The following CNTNAP2 variants were observed in gnomAD, a reference collection of about 807,000 sequenced individuals.
The protein encoded by CNTNAP2 is contactin associated protein 2, also known as contactin-associated protein-like 2.
CNTNAP2 carries 98 observed loss-of-function variants against 155.2 expected under a neutral mutation model. The ratio of observed to expected loss-of-function variants is 0.63; its 90% CI spans 0.54 to 0.75. The LOEUF (loss-of-function observed/expected upper bound fraction) is 0.75. Ranked by LOEUF, CNTNAP2 falls within the 30% of genes least tolerant of loss-of-function variation. The probability of loss-of-function intolerance (pLI) is 0.00; values close to 1 mark genes in which losing one functional copy is unlikely to be tolerated. For synonymous variants in CNTNAP2, 651 were observed against 631.2 expected (o/e 1.03, Z -0.47); for missense variants, 1,727 against 1,688.1 (o/e 1.02, Z -0.40).
Position 148,228,827 on chromosome 7 carries a change from C to CAAAAAAA in CNTNAP2, c.3248-809_3248-803dup, listed in dbSNP as rs10657103. The stretch of plus-strand genomic sequence containing the variant: ...TGGGCGACAGAGCGAGACTCTGTTT[C>CAAAAAAA]AAAAAAAAAAAAAAAACTATGTTTA... On this transcript the variant is annotated intron_variant, in intron 19 of 23. Transcript: ENST00000361727. Among the ~76,000 whole-genome samples, 832 of 118,574 alleles carry CAAAAAAA rather than the reference C, an allele frequency of 7.0e-3. 17 individuals carry two copies. The highest frequency in any genetic ancestry group is 0.014 in the Middle Eastern group (3 of 212). 77.8% of individuals were successfully genotyped at this position (118,574 alleles called of 152,430 possible).
At chr7:146,277,666 A>G (rs1800185191) in intron 1 of CNTNAP2, among the ~76,000 whole-genome samples, 1 of 152,186 alleles carries the variant, frequency 6.6e-6, no homozygotes, top group Non-Finnish European at 1.5e-5. Flanking sequence ...CTTACAGGAA[A>G]CTTCCCATCA....
chr7:147,069,669 T>C (rs1332949490), intron 4 of CNTNAP2, among the ~76,000 whole-genome samples: 1 of 152,186 alleles, frequency 6.6e-6, no homozygotes, highest in African/African-American at 2.4e-5. Flanking sequence ...TGGCCCTTTC[T>C]GACAATCGGA....
chr7:148,285,792 T>C (rs187324769), intron 21 of CNTNAP2, among the ~76,000 whole-genome samples: 124 of 152,308 alleles, frequency 8.1e-4, no homozygotes, highest in Non-Finnish European at 1.4e-3. Flanking sequence ...CCCTGAGAGA[T>C]AGGCATAGTA....
At chr7:147,265,358 G>GTTCCTACA (rs910195435) in intron 8 of CNTNAP2, among the ~76,000 whole-genome samples, 20 of 152,122 alleles carry the variant, frequency 1.3e-4, no homozygotes, top group Admixed American at 2.0e-4. Flanking sequence ...CCAAGAGGTA[G>GTTCCTACA]TTCCTACATT....
intron 2 of CNTNAP2, among the ~76,000 whole-genome samples, chr7:146,811,631 CTTA>C (rs796376312): frequency 2.6e-5 from 4 of 151,936 alleles, no homozygotes; most frequent in African/African-American, 7.2e-5. Flanking sequence ...TAGTTTTTAT[CTTA>C]TTATCCAATC....
At chr7:147,226,785 C>T (rs897175950) in intron 8 of CNTNAP2, among the ~76,000 whole-genome samples, 2 of 152,206 alleles carry the variant, frequency 1.3e-5, no homozygotes, top group African/African-American at 2.4e-5. Context: ...TTTACTATTC[C>T]GTTCCTTTAC....
chr7:147,486,902 T>TGTGTGTGTGTGC (rs1421743855), intron 11 of CNTNAP2, among the ~76,000 whole-genome samples: 1 of 151,854 alleles, frequency 6.6e-6, no homozygotes, highest in African/African-American at 2.4e-5. Flanking sequence ...TGTGTGTGTG[T>TGTGTGTGTGTGC]GTGTGTGTGT....
At chr7:147,730,892 T>A (rs1796727480) in intron 13 of CNTNAP2, among the ~76,000 whole-genome samples, 1 of 152,120 alleles carries the variant, frequency 6.6e-6, no homozygotes, top group African/African-American at 2.4e-5. Context: ...GAAACAGCTT[T>A]ATTGCTGATA....
intron 2 of CNTNAP2, among the ~76,000 whole-genome samples, chr7:146,781,774 T>C (rs928609490): frequency 1.3e-5 from 2 of 152,202 alleles, no homozygotes; most frequent in Non-Finnish European, 2.9e-5. Flanking sequence ...CTCTGCTTTT[T>C]CTTTGCTCTC....
chr7:146,824,584 C>G (rs1803362777), intron 2 of CNTNAP2, among the ~76,000 whole-genome samples: 3 of 152,132 alleles, frequency 2.0e-5, no homozygotes, highest in Admixed American at 2.0e-4. Context: ...GCCATTCTAA[C>G]TGGTGTGAGA....
chr7:147,723,813 C>T (rs1017095445), intron 13 of CNTNAP2, among the ~76,000 whole-genome samples: 6 of 151,988 alleles, frequency 3.9e-5, no homozygotes, highest in Admixed American at 6.6e-5. Context: ...TACACATATG[C>T]ATTGCCTAAC....
At chr7:147,502,482 A>T (rs2373100) in intron 11 of CNTNAP2, among the ~76,000 whole-genome samples, 48,351 of 151,990 alleles carry the variant, frequency 0.32, 7,916 homozygotes, top group East Asian at 0.43. Flanking sequence ...ATAATAGTAA[A>T]TGCAGAAGCT....
chr7:148,022,069 C>G (rs892476257), intron 15 of CNTNAP2, among the ~76,000 whole-genome samples: 1 of 152,136 alleles, frequency 6.6e-6, no homozygotes, highest in Admixed American at 6.5e-5. Flanking sequence ...AGGCCTGCAG[C>G]CTCTCTCCTC....
rs1328520709 is a variant in CNTNAP2, at chr7:147,303,012, A to T, written c.1498+2722A>T. 2.0e-5 allele frequency among the ~76,000 whole-genome samples: 3 copies of T among 152,344 alleles called. No individual in the cohort carries two copies. In the East Asian group the frequency reaches 5.8e-4, roughly 29 times the overall value. The stretch of plus-strand genomic sequence containing the variant: ...ACGCTGAATGGTGGGATTCAGCTAC[A>T]CCCAGAGCTGGTGCCAGGTGACAGA... On this transcript the variant is annotated intron_variant, in intron 9 of 23. Transcript: ENST00000361727.
intron 3 of CNTNAP2, among the ~76,000 whole-genome samples, chr7:146,978,037 C>T (rs1226168960): frequency 6.6e-6 from 1 of 152,164 alleles, no homozygotes; most frequent in Non-Finnish European, 1.5e-5. Context: ...AAGCAAAAAG[C>T]ACATTCCCTT....
At chr7:148,009,260 A>G (rs1179211182) in intron 15 of CNTNAP2, among the ~76,000 whole-genome samples, 5 of 152,226 alleles carry the variant, frequency 3.3e-5, no homozygotes, top group Non-Finnish European at 5.9e-5. Flanking sequence ...GTAATAAAAT[A>G]TTGAATATCT....
intron 13 of CNTNAP2, among the ~76,000 whole-genome samples, chr7:147,828,291 C>T (rs17825363): frequency 0.036 from 5,554 of 152,168 alleles, 170 homozygotes; most frequent in Middle Eastern, 0.062. Context: ...AAAATTGGAT[C>T]GAAGTCCAGA....
Position 147,881,709 on chromosome 7 carries a change from G to A in CNTNAP2, c.2099-21856G>A, listed in dbSNP as rs1799525347. 2.6e-5 allele frequency among the ~76,000 whole-genome samples: 4 copies of A among 152,164 alleles called. No individual in the cohort carries two copies. In the South Asian group the frequency reaches 8.3e-4, roughly 32 times the overall value. On this transcript the variant is annotated intron_variant, in intron 13 of 23. Coordinates refer to ENST00000361727, the MANE Select transcript of CNTNAP2 (RefSeq NM_014141.6). The stretch of plus-strand genomic sequence containing the variant: ...AAAGCAGGCCAGCACCGTGGCTCAC[G>A]CCTGTAATCCCAGCACTTTGGGAGG...
At chr7:148,114,105 G>A (rs1424226593) in intron 15 of CNTNAP2, among the ~76,000 whole-genome samples, 1 of 152,166 alleles carries the variant, frequency 6.6e-6, no homozygotes, top group Non-Finnish European at 1.5e-5. Flanking sequence ...GACCTTGGTA[G>A]CAAGTACAAA....
Sources: allele counts gnomAD v4.1 joint callset (sites outside exome capture counted in the v4.1 genomes callset), GRCh38; gene constraint gnomAD v4.1.1; transcripts MANE v1.5; gene names NCBI Gene and HGNC (gene_info 2026-07-23, HGNC 2026-07-21).